The following RGS7 variants were observed in gnomAD, a reference collection of about 807,000 sequenced individuals.
RGS7 encodes the protein regulator of G-protein signaling 7.
RGS7 carries 27 observed loss-of-function variants against 81.1 expected under a neutral mutation model. The observed-to-expected ratio is 0.33, with a 90% CI of 0.25 to 0.46. The LOEUF (loss-of-function observed/expected upper bound fraction) is 0.46, where lower values mean the gene tolerates loss of function less well. Ranked by LOEUF, RGS7 falls within the 20% of genes least tolerant of loss-of-function variation. The pLI is 1.00. For missense variants in RGS7, 396 were observed against 607.4 expected (o/e 0.65, Z 3.66); for synonymous variants, 208 against 207.7 (o/e 1.00, Z -0.01).
intron 2 of RGS7, among the ~76,000 whole-genome samples, chr1:241,225,149 T>C (rs2075247476): frequency 6.6e-6 from 1 of 152,166 alleles, no homozygotes; most frequent in South Asian, 2.1e-4. Flanking sequence ...CTCATCCCCC[T>C]TGTACCCTCC....
At chr1:240,814,962 T>G (rs1363273057) in intron 11 of RGS7, among the ~76,000 whole-genome samples, 185 bp from the exon 12 acceptor site, 1 of 151,724 alleles carries the variant, frequency 6.6e-6, no homozygotes, top group Admixed American at 6.6e-5. Flanking sequence ...TGTTGGAATT[T>G]GAACACAATT....
intron 3 of RGS7, among the ~76,000 whole-genome samples, chr1:241,026,579 ACT>A (rs2059798534): frequency 1.3e-5 from 2 of 150,738 alleles, no homozygotes; most frequent in South Asian, 4.2e-4. Flanking sequence ...ACAGAGTGAG[ACT>A]CTGTCTCAAA....
At chr1:241,021,577 C>T (rs1372106220) in intron 3 of RGS7, among the ~76,000 whole-genome samples, 1 of 152,134 alleles carries the variant, frequency 6.6e-6, no homozygotes, top group Non-Finnish European at 1.5e-5. Flanking sequence ...CAAGTATTTG[C>T]TGACTGAGTG....
At chr1:241,083,014 C>G (rs1020319584) in intron 3 of RGS7, among the ~76,000 whole-genome samples, 1 of 152,046 alleles carries the variant, frequency 6.6e-6, no homozygotes, top group Non-Finnish European at 1.5e-5. Context: ...CACTTGAGGT[C>G]AGGAGTTCAA....
chr1:241,213,868 GA>G (rs2074394066), intron 2 of RGS7, among the ~76,000 whole-genome samples: 2 of 152,200 alleles, frequency 1.3e-5, no homozygotes, highest in South Asian at 4.2e-4. Context: ...AAGCTTAAGC[GA>G]TCCTCCCACC....
intron 3 of RGS7, among the ~76,000 whole-genome samples, chr1:240,997,116 T>C (rs1483020844): frequency 1.3e-5 from 2 of 151,980 alleles, no homozygotes; most frequent in African/African-American, 2.4e-5. Flanking sequence ...CCGACTATGT[T>C]TTTATTATTA....
chr1:241,310,384 TGTGC>T (rs1284877077), intron 2 of RGS7, among the ~76,000 whole-genome samples: 6 of 151,072 alleles, frequency 4.0e-5, no homozygotes, highest in Admixed American at 2.6e-4. Flanking sequence ...TGTGTATGAG[TGTGC>T]GTGTGAGTGT....
At chr1:241,170,646 TGCAATTACAA>T (rs1159447127) in intron 2 of RGS7, among the ~76,000 whole-genome samples, 2 of 152,178 alleles carry the variant, frequency 1.3e-5, no homozygotes, top group Non-Finnish European at 2.9e-5. Flanking sequence ...AGAGCAATGA[TGCAATTACAA>T]ATAAGAGCTG....
At chr1:240,802,726 C>A (rs78566483) in intron 16 of RGS7, among the ~76,000 whole-genome samples, 178 bp downstream of exon 16, 1 of 151,912 alleles carries the variant, frequency 6.6e-6, no homozygotes, top group Non-Finnish European at 1.5e-5. Context: ...ATACAATAAG[C>A]AATAAACAAA....
intron 3 of RGS7, among the ~76,000 whole-genome samples, chr1:241,083,911 CAGAA>C (rs2063290693): frequency 1.3e-5 from 2 of 151,998 alleles, no homozygotes. Flanking sequence ...TTGTCAGTTT[CAGAA>C]AGGAGTCTCA....
At chr1:240,874,143 C>T (rs190888894) in intron 6 of RGS7, among the ~76,000 whole-genome samples, 6 of 152,234 alleles carry the variant, frequency 3.9e-5, no homozygotes, top group Admixed American at 3.9e-4. Flanking sequence ...GTGGGCCCTC[C>T]CCAGACATCA....
chr1:240,782,517 G>T (rs1336822431), intron 18 of RGS7, among the ~76,000 whole-genome samples: 1 of 152,138 alleles, frequency 6.6e-6, no homozygotes, highest in Admixed American at 6.5e-5. Context: ...CGACCTCCCA[G>T]GCTCAAGCGA....
At chr1:240,944,061 T>C (rs1293446209) in intron 4 of RGS7, among the ~76,000 whole-genome samples, 1 of 151,996 alleles carries the variant, frequency 6.6e-6, no homozygotes, top group Admixed American at 6.6e-5. Context: ...AGATGTCTAA[T>C]GGCAGTTATG....
Position 241,176,637 on chromosome 1 carries a change from G to A in RGS7, c.79-77875C>T, listed in dbSNP as rs539866238. 4.6e-5 allele frequency among the ~76,000 whole-genome samples: 7 copies of A among 152,256 alleles called. No individual in the cohort carries two copies. The East Asian group carries it at 1.4e-3, about 29-fold the overall frequency. ...GGGGCTTATATTTTTACATAAAGAT[G>A]CTGCATTTGGGGTAGTCAAAGCTCA... is the stretch of plus-strand genomic sequence containing the variant. On this transcript the variant is annotated intron_variant, in intron 2 of 18. Transcript: ENST00000440928.
At chr1:241,286,796 A>T (rs188638039) in intron 2 of RGS7, among the ~76,000 whole-genome samples, 87 of 152,326 alleles carry the variant, frequency 5.7e-4, no homozygotes, top group African/African-American at 2.0e-3. Context: ...ATATCATTAA[A>T]GTGACTTCAC....
At chr1:240,965,085 C>T (rs1207114534) in intron 4 of RGS7, among the ~76,000 whole-genome samples, 1 of 152,208 alleles carries the variant, frequency 6.6e-6, no homozygotes, top group Non-Finnish European at 1.5e-5. Context: ...TTGCATTGAA[C>T]TGTACTCTTT....
At chr1:241,307,759 C>T (rs1407831236) in intron 2 of RGS7, among the ~76,000 whole-genome samples, 1 of 152,008 alleles carries the variant, frequency 6.6e-6, no homozygotes, top group Non-Finnish European at 1.5e-5. Flanking sequence ...ATCTGACACA[C>T]AACAGATGCT....
chr1:241,050,080 T>G (rs2061165786), intron 3 of RGS7, among the ~76,000 whole-genome samples: 1 of 152,204 alleles, frequency 6.6e-6, no homozygotes, highest in African/African-American at 2.4e-5. Flanking sequence ...AGGGGCTGTG[T>G]CCACCAAGCA....
chr1:241,011,848 G>T (rs1558594093), intron 3 of RGS7, among the ~76,000 whole-genome samples: 1 of 151,266 alleles, frequency 6.6e-6, no homozygotes, highest in East Asian at 1.9e-4. Flanking sequence ...ATGATCTTTT[G>T]ATATATATAT....
Sources: allele counts gnomAD v4.1 joint callset (sites outside exome capture counted in the v4.1 genomes callset), GRCh38; gene constraint gnomAD v4.1.1; transcripts MANE v1.5; gene names NCBI Gene and HGNC (gene_info 2026-07-23, HGNC 2026-07-21).